The following HIP1 variants were observed in gnomAD, a reference collection of about 807,000 sequenced individuals.
HIP1 encodes the protein huntingtin interacting protein 1.
In HIP1, 65 loss-of-function variants were observed where a neutral mutation model predicts 147.6. That is an observed-to-expected ratio of 0.44 (90% CI 0.36 to 0.54). The LOEUF is 0.54. Ranked by LOEUF, HIP1 falls within the 20% of genes least tolerant of loss-of-function variation. The probability of loss-of-function intolerance (pLI) is 0.00; values close to 1 mark genes in which losing one functional copy is unlikely to be tolerated. For missense variants in HIP1, 1,061 were observed against 1,299.6 expected, an observed-to-expected ratio of 0.82 and a Z score of 2.82; for synonymous variants, 479 against 504.0, an observed-to-expected ratio of 0.95 and a Z score of 0.67.
At chr7:75,634,755 G>A (rs1324136262) in intron 1 of HIP1, among the ~76,000 whole-genome samples, 17 of 151,852 alleles carry the variant, frequency 1.1e-4, no homozygotes, top group Admixed American at 3.3e-4. Context: ...GAAGACCCCC[G>A]TCTCTACAAA....
chr7:75,689,436 G>A (rs60264175), intron 1 of HIP1, among the ~76,000 whole-genome samples: 1 of 151,536 alleles, frequency 6.6e-6, no homozygotes, highest in Admixed American at 6.6e-5. Context: ...ACTGGGAGGG[G>A]GAGGTTGCAG....
chr7:75,569,873 C>T (rs782729094), intron 8 of HIP1, among the ~76,000 whole-genome samples: 2 of 151,820 alleles, frequency 1.3e-5, no homozygotes, highest in Non-Finnish European at 2.9e-5. Context: ...ATGCATGTAC[C>T]GGGTGAGATT....
intron 1 of HIP1, among the ~76,000 whole-genome samples, chr7:75,728,149 C>G (rs2903749): frequency 0.98 from 150,003 of 152,362 alleles, 73,853 homozygotes; most frequent in East Asian, 1. Flanking sequence ...GATAGTGTTA[C>G]TTGTGTTAAA....
At chr7:75,563,996 A>C (rs1795321222) in intron 9 of HIP1, among the ~76,000 whole-genome samples, 1 of 152,142 alleles carries the variant, frequency 6.6e-6, no homozygotes, top group Admixed American at 6.6e-5. Flanking sequence ...GGGCTCAAGC[A>C]GTCTTCTGCC....
chr7:75,640,689 G>A (rs542754465), intron 1 of HIP1, among the ~76,000 whole-genome samples: 3 of 151,516 alleles, frequency 2.0e-5, no homozygotes, highest in Admixed American at 6.6e-5. Context: ...GGAGGCAGAG[G>A]TTGCAATGAG....
chr7:75,576,333 A>T (rs1333946460), intron 7 of HIP1, among the ~76,000 whole-genome samples: 1 of 152,130 alleles, frequency 6.6e-6, no homozygotes, highest in Non-Finnish European at 1.5e-5. Flanking sequence ...TGAAACACTA[A>T]AGTCTTCCTG....
intron 1 of HIP1, among the ~76,000 whole-genome samples, chr7:75,675,158 C>T (rs1410093874): frequency 6.6e-6 from 1 of 152,038 alleles, no homozygotes; most frequent in African/African-American, 2.4e-5. Flanking sequence ...ATTGGCCTAT[C>T]TTTAAATTCA....
At chr7:75,586,728 G>A (rs113296081) in intron 5 of HIP1, 25 bp downstream of exon 5, 755 of 1,520,190 alleles carry the variant, frequency 5.0e-4, no homozygotes, top group Non-Finnish European at 3.9e-4. Context: ...CGGCGGTGGC[G>A]GCAGAACTGT....
chr7:75,702,136 A>G (rs1395738308), intron 1 of HIP1, among the ~76,000 whole-genome samples: 2 of 148,332 alleles, frequency 1.3e-5, no homozygotes, highest in African/African-American at 5.0e-5. Flanking sequence ...TTTGAGATGG[A>G]GTCTCACTCT....
chr7:75,646,028 C>A (rs924406845), intron 1 of HIP1, among the ~76,000 whole-genome samples: 23 of 152,164 alleles, frequency 1.5e-4, no homozygotes, highest in Admixed American at 7.9e-4. Flanking sequence ...CAAACCTTAG[C>A]ATCACACAAT....
intron 1 of HIP1, among the ~76,000 whole-genome samples, chr7:75,645,279 T>G (rs1285995244): frequency 6.6e-5 from 10 of 152,138 alleles, no homozygotes; most frequent in African/African-American, 2.4e-4. Context: ...CAGGCTGGAG[T>G]GCAATGGTGC....
rs1554490228 is a variant in HIP1, at chr7:75,542,902, C to T, written c.2839G>A (p.Ala947Thr). The T allele has an allele frequency of 6.2e-7, 1 of 1,613,968 alleles. No individual in the cohort carries two copies. Among genetic ancestry groups the T allele is most frequent in the Admixed American group, 1.7e-5 (1 of 60,008 alleles). The part of the protein sequence containing the change: ...QASRGVNQAT[A>T]GVVASTISGK... The stretch of plus-strand genomic sequence containing the variant: ...GAAATGGTTGAGGCCACAACGCCGG[C>T]AGTGGCCTGGTTCACTCCCCGAGAG... Residue 947 changes from alanine (A) to threonine (T), a missense_variant, in exon 28 of 31, where the codon GCC (alanine) becomes ACC (threonine). This residue lies in a region of HIP1 where 810 missense variants were observed against 946.8 expected (regional missense o/e 0.86). Transcript: ENST00000336926.
chr7:75,671,883 C>A (rs1339814397), intron 1 of HIP1, among the ~76,000 whole-genome samples: 1 of 152,106 alleles, frequency 6.6e-6, no homozygotes, highest in South Asian at 2.1e-4. Context: ...TACAGCTACG[C>A]GTCACCATGC....
In HIP1 at chr7:75,561,537, A is replaced by G. The variant is rs1199082416; in HGVS notation, c.1119-136T>C. The G allele has an allele frequency of 5.9e-6, 4 of 673,452 alleles. No homozygotes were observed. In the African/African-American group the frequency reaches 7.1e-5, roughly 12 times the overall value. 41.7% of individuals were successfully genotyped at this position (673,452 alleles called of 1,614,324 possible). ...TTTGAAATGCCATAAATTATACTCTAAATGTTACCAGATACTAATCTAATA... is the reference window on the plus strand; with the variant it reads ...TTTGAAATGCCATAAATTATACTCTGAATGTTACCAGATACTAATCTAATA... On this transcript the variant is annotated intron_variant, in intron 12 of 30. Coordinates refer to ENST00000336926, the MANE Select transcript of HIP1 (RefSeq NM_005338.7).
At chr7:75,609,893 CTCT>C (rs1445838831) in intron 1 of HIP1, among the ~76,000 whole-genome samples, 19 of 148,294 alleles carry the variant, frequency 1.3e-4, no homozygotes, top group African/African-American at 4.5e-4. Context: ...TCTTTCTTTT[CTCT>C]TCTTTTCTTT....
In HIP1 at chr7:75,535,656, G is replaced by A. The variant is rs1168619170; in HGVS notation, c.*2516C>T. 1.1e-5 allele frequency: 2 copies of A among 181,974 alleles called. No individual in the cohort carries two copies. Among genetic ancestry groups the A allele is most frequent in the East Asian group, 8.9e-5 (1 of 11,182 alleles). The allele number at this position is 181,974 out of a possible 1,614,324, so 11.3% of individuals were successfully genotyped here. ...ATTACAGGCATGCGCCACTGTGCCC[G>A]GCTGGGCAGAGAATCTTAATTTGAT... On this transcript the variant is annotated 3_prime_UTR_variant, in exon 31 of 31. Coordinates refer to ENST00000336926, the MANE Select transcript of HIP1 (RefSeq NM_005338.7).
At position 75,738,866 on chromosome 7, in the gene HIP1, G is replaced by A. The variant is rs782668089; in HGVS notation, c.55C>T (p.Leu19=). The A allele has an allele frequency of 2.5e-6, 4 of 1,578,100 alleles. No individual in the cohort carries two copies. Among genetic ancestry groups the A allele is most frequent in the African/African-American group, 1.4e-5 (1 of 73,684 alleles). ...KQVPNPLPKV[L]SRRGVGAGLE... is the part of the protein sequence containing the mutation. ...CCAGCGCCGACCCCGCGCCGGCTCA[G>A]CACCTTGGGCAGTGGGTTGGGCACC... Residue 19 remains leucine (L), a synonymous_variant, in exon 1 of 31, where the codon CTG becomes TTG. Coordinates refer to ENST00000336926, the MANE Select transcript of HIP1 (RefSeq NM_005338.7).
chr7:75,717,765 A>AT (rs1345848606), intron 1 of HIP1, among the ~76,000 whole-genome samples: 1 of 151,688 alleles, frequency 6.6e-6, no homozygotes, highest in Non-Finnish European at 1.5e-5. Flanking sequence ...GAGGTCAGGA[A>AT]TTTGAGACCA....
At chr7:75,626,778 T>C (rs1227828226) in intron 1 of HIP1, 1 of 152,206 alleles carries the variant, frequency 6.6e-6, no homozygotes, top group African/African-American at 2.4e-5. Flanking sequence ...TATGTGTGTA[T>C]TTGTCTGTGT....
Sources: allele counts gnomAD v4.1 joint callset (sites outside exome capture counted in the v4.1 genomes callset), GRCh38; gene constraint gnomAD v4.1.1; regional missense constraint gnomAD v4.1.1; transcripts MANE v1.5; gene names NCBI Gene and HGNC (gene_info 2026-07-23, HGNC 2026-07-21).